RIT2: variants seen among roughly 807,000 people sequenced by gnomAD.
RIT2 encodes GTP-binding protein Rit2.
Under a neutral mutation model 23.7 loss-of-function variants are expected in RIT2, and 24 were observed. The observed-to-expected ratio is 1.01, with a 90% CI of 0.73 to 1.43. The LOEUF is 1.43. RIT2 is among the 40% of genes most tolerant of loss of function. The probability of loss-of-function intolerance (pLI) is 0.00; values close to 1 mark genes in which losing one functional copy is unlikely to be tolerated. For synonymous variants in RIT2, 107 were observed against 91.1 expected, an observed-to-expected ratio of 1.17 and a Z score of -0.99; for missense variants, 236 against 266.9, an observed-to-expected ratio of 0.88 and a Z score of 0.81.
intron 4 of RIT2, among the ~76,000 whole-genome samples, chr18:42,748,039 G>A (rs1022053665): frequency 6.6e-6 from 1 of 151,982 alleles, no homozygotes; most frequent in African/African-American, 2.4e-5. Context: ...ATAAATACTT[G>A]GGACTTAATT....
intron 2 of RIT2, among the ~76,000 whole-genome samples, chr18:43,033,382 C>T (rs56279823): frequency 0.16 from 24,123 of 151,902 alleles, 2,150 homozygotes; most frequent in East Asian, 0.41. Flanking sequence ...CTATATCTAA[C>T]GTTCCAAATG....
At chr18:43,070,692 A>G (rs938511910) in intron 1 of RIT2, among the ~76,000 whole-genome samples, 5 of 152,216 alleles carry the variant, frequency 3.3e-5, no homozygotes, top group Non-Finnish European at 7.3e-5. Flanking sequence ...TAAGTGCATC[A>G]GCTATTATGT....
chr18:43,070,660 G>A (rs1424432572), intron 1 of RIT2, among the ~76,000 whole-genome samples: 1 of 152,170 alleles, frequency 6.6e-6, no homozygotes, highest in East Asian at 1.9e-4. Context: ...AACATGATTT[G>A]CCTGTTTACC....
At chr18:42,970,122 T>C (rs1910327158) in intron 3 of RIT2, among the ~76,000 whole-genome samples, 1 of 152,076 alleles carries the variant, frequency 6.6e-6, no homozygotes, top group African/African-American at 2.4e-5. Context: ...CCGTACTACC[T>C]TAGATAAATC....
chr18:43,096,306 A>G (rs1191359333), intron 1 of RIT2, among the ~76,000 whole-genome samples: 1 of 151,942 alleles, frequency 6.6e-6, no homozygotes, highest in Non-Finnish European at 1.5e-5. Flanking sequence ...GTAGTAATTC[A>G]TAGAATGTAG....
At chr18:42,934,998 G>C (rs1450322015) in intron 3 of RIT2, among the ~76,000 whole-genome samples, 1 of 152,150 alleles carries the variant, frequency 6.6e-6, no homozygotes, top group Non-Finnish European at 1.5e-5. Flanking sequence ...TAAATAGAAA[G>C]AGTCCTAATG....
At chr18:42,862,996 T>TCCCACAGA (rs907099891) in intron 4 of RIT2, among the ~76,000 whole-genome samples, 1 of 151,838 alleles carries the variant, frequency 6.6e-6, no homozygotes, top group Non-Finnish European at 1.5e-5. Context: ...AACTTTGACT[T>TCCCACAGA]CCCACAGATA....
At position 42,807,573 on chromosome 18, in the gene RIT2, C is replaced by T. The variant is rs200902595; in HGVS notation, c.427-63853G>A. ...CAGAGGTTGCAGTGAGCCAAGATCG[C>T]ACCACTGCACTCCAGCCTGGGTGGC... On this transcript the variant is annotated intron_variant, in intron 4 of 4. Transcript: ENST00000326695. Among the ~76,000 whole-genome samples, 20 of 152,230 alleles carry T rather than the reference C, an allele frequency of 1.3e-4. No individual in the cohort carries two copies. In the East Asian group the frequency reaches 3.3e-3, roughly 25 times the overall value.
intron 4 of RIT2, among the ~76,000 whole-genome samples, chr18:42,817,482 G>A (rs1906031339): frequency 1.3e-5 from 2 of 152,096 alleles, no homozygotes; most frequent in Non-Finnish European, 2.9e-5. Context: ...ACATTTATTA[G>A]ATGTCATAAT....
intron 4 of RIT2, among the ~76,000 whole-genome samples, chr18:42,864,929 A>G (rs1009085385): frequency 6.6e-6 from 1 of 152,092 alleles, no homozygotes; most frequent in Non-Finnish European, 1.5e-5. Context: ...AAAAGCCCCA[A>G]CCACCTGCCT....
intron 4 of RIT2, among the ~76,000 whole-genome samples, chr18:42,890,410 G>T (rs1282151726): frequency 1.3e-5 from 2 of 150,550 alleles, no homozygotes; most frequent in Non-Finnish European, 1.5e-5. Context: ...CTACTACACA[G>T]CTTAAACTCT....
chr18:42,903,565 T>C (rs963224325), intron 4 of RIT2, among the ~76,000 whole-genome samples: 6 of 152,098 alleles, frequency 3.9e-5, no homozygotes, highest in African/African-American at 2.4e-5. Context: ...ACGACATTTA[T>C]TTACAAAAAT....
chr18:43,109,453 C>G (rs1050203294), intron 1 of RIT2, among the ~76,000 whole-genome samples: 4 of 152,232 alleles, frequency 2.6e-5, no homozygotes, highest in South Asian at 2.1e-4. Context: ...AAATTATAAG[C>G]CTTCAGATCC....
At chr18:43,014,201 G>C (rs1368474421) in intron 2 of RIT2, among the ~76,000 whole-genome samples, 1 of 151,782 alleles carries the variant, frequency 6.6e-6, no homozygotes, top group African/African-American at 2.4e-5. Flanking sequence ...AATTGAGGCA[G>C]AAGTAGAGGT....
chr18:42,892,747 A>G (rs1227029961), intron 4 of RIT2, among the ~76,000 whole-genome samples: 1 of 152,218 alleles, frequency 6.6e-6, no homozygotes, highest in African/African-American at 2.4e-5. Flanking sequence ...ATGTGTAAAT[A>G]GAATTACTGA....
chr18:43,103,097 G>T (rs1158640596), intron 1 of RIT2, among the ~76,000 whole-genome samples: 1 of 152,132 alleles, frequency 6.6e-6, no homozygotes, highest in African/African-American at 2.4e-5. Context: ...ACCAAAGATT[G>T]TTAATGCTGG....
intron 3 of RIT2, among the ~76,000 whole-genome samples, chr18:42,941,574 G>C (rs979744155): frequency 1.3e-5 from 2 of 152,052 alleles, no homozygotes; most frequent in Non-Finnish European, 2.9e-5. Context: ...GTTTTCTAGA[G>C]AAAGTGATAA....
intron 2 of RIT2, among the ~76,000 whole-genome samples, chr18:43,009,610 T>C (rs959648133): frequency 7.9e-5 from 12 of 151,672 alleles, no homozygotes; most frequent in Non-Finnish European, 8.9e-5. Flanking sequence ...AATATTTTCA[T>C]GGTCTTATTA....
chr18:42,841,642 A>C (rs1906770064), intron 4 of RIT2, among the ~76,000 whole-genome samples: 1 of 152,198 alleles, frequency 6.6e-6, no homozygotes, highest in Admixed American at 6.5e-5. Context: ...TTCTCTGTGT[A>C]CTTCCATAGC....
Sources: gnomAD v4.1 joint callset for allele counts (sites outside exome capture counted in the v4.1 genomes callset) on GRCh38, gnomAD v4.1.1 for gene constraint, MANE v1.5 for transcripts, NCBI Gene and HGNC (gene_info 2026-07-23, HGNC 2026-07-21) for gene names.